The following SMPDL3A variants were observed in gnomAD, a reference collection of about 807,000 sequenced individuals.
The protein encoded by SMPDL3A is sphingomyelin phosphodiesterase acid like 3A.
A neutral mutation model predicts 38.5 loss-of-function variants in SMPDL3A; 39 were observed. That is an observed-to-expected ratio of 1.01 (90% CI 0.78 to 1.32). SMPDL3A has a LOEUF of 1.32. Ranked by LOEUF, SMPDL3A falls within the 40% of genes most tolerant of loss-of-function variation. The probability of loss-of-function intolerance (pLI) is 0.00; values close to 1 mark genes in which losing one functional copy is unlikely to be tolerated. For missense variants in SMPDL3A, 502 were observed against 536.2 expected (o/e 0.94, Z 0.63); for synonymous variants, 180 against 194.3 (o/e 0.93, Z 0.61).
At chr6:122,804,025 T>C (rs910109476) in intron 5 of SMPDL3A, among the ~76,000 whole-genome samples, 192 bp downstream of exon 5, 3 of 151,956 alleles carry the variant, frequency 2.0e-5, no homozygotes, top group African/African-American at 7.3e-5. Context: ...TCTTACTCTG[T>C]TGCCCAGGCT....
intron 4 of SMPDL3A, 97 bp from the exon 5 acceptor site, chr6:122,803,567 A>G: frequency 1.2e-6 from 1 of 833,528 alleles, no homozygotes; most frequent in Non-Finnish European, 1.9e-6. Context: ...ATAAGCACCA[A>G]CCTCCTGACT....
In SMPDL3A at chr6:122,795,780, C is replaced by A. The variant is rs147950292; in HGVS notation, c.216C>A (p.Asn72Lys). 1.2e-4 allele frequency: 201 copies of A among 1,613,972 alleles called. No homozygotes were observed. Among genetic ancestry groups the A allele is most frequent in the East Asian group, 1.3e-4 (6 of 44,888 alleles). ...CATCTAAAGGTGCAAATGCCTCCAA[C>A]CCTGGCCCTTTTGGAGATGTTCTGT... is the stretch of plus-strand genomic sequence containing the variant. ...CASSKGANAS[N>K]PGPFGDVLCD... The change falls in exon 2 of 8, where the codon AAC (asparagine) becomes AAA (lysine). Residue 72 changes from asparagine to lysine, a missense_variant. Physicochemically the swap from Asn to Lys is moderately conservative, Grantham distance 94. Transcript: ENST00000368440.
chr6:122,807,333 C>A (rs1357693517), intron 7 of SMPDL3A, among the ~76,000 whole-genome samples: 2 of 152,122 alleles, frequency 1.3e-5, no homozygotes, highest in Non-Finnish European at 2.9e-5. Context: ...CCCGTCTCCA[C>A]TAAAAATACA....
chr6:122,789,539 G>A (rs994185148), intron 1 of SMPDL3A, 81 bp downstream of exon 1: 1 of 1,251,586 alleles, frequency 8.0e-7, no homozygotes, highest in South Asian at 1.3e-5. Context: ...GAGAAAGTGC[G>A]TGGGGGCAGC....
At position 122,789,318 on chromosome 6, in the gene SMPDL3A, G is replaced by A. The variant is rs968613226; in HGVS notation, c.-29G>A. On this transcript the variant is annotated 5_prime_UTR_variant, in exon 1 of 8. Transcript: ENST00000368440. ...TCCGAGTGGAGCTGCGGGACAGCCC[G>A]AACCTCCAGGTCAGCCCCGCGGCCC... 2.0e-6 allele frequency: 3 copies of A among 1,494,584 alleles called. No individual in the cohort carries two copies. Among genetic ancestry groups the A allele is most frequent in the African/African-American group, 2.8e-5 (2 of 71,072 alleles). The allele number at this position is 1,494,584 out of a possible 1,614,324, so 92.6% of individuals were successfully genotyped here.
chr6:122,789,548 G>C lies in SMPDL3A; in HGVS notation c.112+90G>C, dbSNP rs920206404. 4.3e-6 allele frequency: 5 copies of C among 1,165,098 alleles called. No individual in the cohort carries two copies. The African/African-American group carries it at 7.8e-5, about 18-fold the overall frequency. 72.2% of individuals were successfully genotyped at this position (1,165,098 alleles called of 1,614,324 possible). A position where few individuals can be genotyped will look rare whatever the true frequency, so the allele number is the denominator to read the frequency against. On this transcript the variant is annotated intron_variant, in intron 1 of 7. Coordinates refer to ENST00000368440, the MANE Select transcript of SMPDL3A (RefSeq NM_006714.5). ...CAGCAGGAGAAAGTGCGTGGGGGCAGCTGCCCCCGGCAGAGGCTCGGGCTA... is the reference window on the plus strand; with the variant it reads ...CAGCAGGAGAAAGTGCGTGGGGGCACCTGCCCCCGGCAGAGGCTCGGGCTA...
rs376599425 is a variant in SMPDL3A at position 122,789,276 on chromosome 6, A to C, written c.-71A>C. ...CGCAGCCGTCTTCTGTCTCCGCCTC[A>C]CCCTCAGGCCTGACGGTCCGAGTGG... On this transcript the variant is annotated 5_prime_UTR_variant, in exon 1 of 8. Transcript: ENST00000368440. 1.1e-4 allele frequency: 123 copies of C among 1,097,310 alleles called. 1 individual carries two copies. In the South Asian group the frequency reaches 1.7e-3, roughly 15 times the overall value. 68.0% of individuals were successfully genotyped at this position (1,097,310 alleles called of 1,614,324 possible).
At chr6:122,792,935 G>A (rs2115159910) in intron 1 of SMPDL3A, among the ~76,000 whole-genome samples, 1 of 152,290 alleles carries the variant, frequency 6.6e-6, no homozygotes, top group South Asian at 2.1e-4. Flanking sequence ...TGAAAACACA[G>A]AGAGGAATTG....
Position 122,808,641 on chromosome 6 carries a change from TCCCCC to T in SMPDL3A, c.1045-447_1045-443del, listed in dbSNP as rs1163082786. ...TTCCTTCCTTCCTTCCTTCCTTCCT[TCCCCC>T]CCTCCTCCCCCCTCCCTCCCTCTCC... On this transcript the variant is annotated intron_variant, in intron 7 of 7. Coordinates refer to ENST00000368440, the MANE Select transcript of SMPDL3A (RefSeq NM_006714.5). Among the ~76,000 whole-genome samples the T allele has an allele frequency of 7.3e-3, 285 of 38,908 alleles. 1 individual carries two copies. Among genetic ancestry groups the T allele is most frequent in the South Asian group, 0.012 (6 of 508 alleles). 25.5% of individuals were successfully genotyped at this position (38,908 alleles called of 152,430 possible). A position where few individuals can be genotyped will look rare whatever the true frequency, so the allele number is the denominator to read the frequency against.
At chr6:122,807,085 G>A (rs766304589) in intron 7 of SMPDL3A, among the ~76,000 whole-genome samples, 1 of 84,520 alleles carries the variant, frequency 1.2e-5, no homozygotes, top group South Asian at 3.7e-4. Flanking sequence ...TAGAGATGGG[G>A]GGGGGGGGTC....
At chr6:122,805,136 CAAAG>C in intron 6 of SMPDL3A, 47 bp downstream of exon 6, 1 of 1,443,074 alleles carries the variant, frequency 6.9e-7, no homozygotes, top group Non-Finnish European at 9.3e-7. Context: ...GAGTCTAGAG[CAAAG>C]CGGTGAATAT....
At position 122,789,466 on chromosome 6, in the gene SMPDL3A, GT is replaced by G. The variant is rs1010308115; in HGVS notation, c.112+9del. The G allele has an allele frequency of 8.4e-6, 13 of 1,544,566 alleles. No individual in the cohort carries two copies. In the African/African-American group the frequency reaches 1.8e-4, roughly 21 times the overall value. ...ATCCTCCTCCGGCGATAGGTGAGTTGTCCGCGACCCTTCTCTTCCCAGCCGG... is the reference window on the plus strand; with the variant it reads ...ATCCTCCTCCGGCGATAGGTGAGTTGCCGCGACCCTTCTCTTCCCAGCCGG... On this transcript the variant is annotated intron_variant, in intron 1 of 7. Coordinates refer to ENST00000368440, the MANE Select transcript of SMPDL3A (RefSeq NM_006714.5).
chr6:122,789,781 T>G (rs1781008568), intron 1 of SMPDL3A: 2 of 959,662 alleles, frequency 2.1e-6, no homozygotes, highest in African/African-American at 3.5e-5. Context: ...TTTTGTTCCT[T>G]GGGGAAGGAA....
chr6:122,789,881 G>T (rs1326861290), intron 1 of SMPDL3A: 2 of 984,386 alleles, frequency 2.0e-6, no homozygotes, highest in Non-Finnish European at 1.2e-6. Flanking sequence ...AATGGAGGGG[G>T]ACTGCAGTTT....
At chr6:122,790,072 A>G (rs1332813059) in intron 1 of SMPDL3A, among the ~76,000 whole-genome samples, 1 of 152,168 alleles carries the variant, frequency 6.6e-6, no homozygotes, top group Non-Finnish European at 1.5e-5. Flanking sequence ...GATGTCCACT[A>G]GGTTTCCTGC....
chr6:122,789,551 G>A, intron 1 of SMPDL3A, 93 bp downstream of exon 1: 1 of 1,155,066 alleles, frequency 8.7e-7, no homozygotes, highest in East Asian at 2.6e-5. Flanking sequence ...GGGGGCAGCT[G>A]CCCCCGGCAG....
chr6:122,809,527 T>TA lies in SMPDL3A; in HGVS notation c.*119_*120insA. The TA allele has an allele frequency of 1.4e-6, 1 of 704,508 alleles. No individual in the cohort carries two copies. The highest frequency in any genetic ancestry group is 2.0e-5 in the South Asian group (1 of 49,660). The allele number at this position is 704,508 out of a possible 1,614,324, so 43.6% of individuals were successfully genotyped here. On this transcript the variant is annotated 3_prime_UTR_variant, in exon 8 of 8. Transcript: ENST00000368440. ...GCAAGTAGACTTCCTGTCTTTGCTTTCTTTTTTTTTTTCTTTTTGATGCCT... is the reference window on the plus strand; with the variant it reads ...GCAAGTAGACTTCCTGTCTTTGCTTTACTTTTTTTTTTTCTTTTTGATGCCT...
rs1780971210 is a variant in SMPDL3A, at chr6:122,789,277, C to T, written c.-70C>T. ...GCAGCCGTCTTCTGTCTCCGCCTCA[C>T]CCTCAGGCCTGACGGTCCGAGTGGA... is the stretch of plus-strand genomic sequence containing the variant. On this transcript the variant is annotated 5_prime_UTR_variant, in exon 1 of 8. Transcript: ENST00000368440. The T allele has an allele frequency of 8.9e-7, 1 of 1,126,874 alleles. No individual in the cohort carries two copies. Among genetic ancestry groups the T allele is most frequent in the Non-Finnish European group, 1.3e-6 (1 of 793,656 alleles). 69.8% of individuals were successfully genotyped at this position (1,126,874 alleles called of 1,614,324 possible).
intron 6 of SMPDL3A, 83 bp from the exon 7 acceptor site, chr6:122,806,150 C>A: frequency 8.0e-7 from 1 of 1,257,388 alleles, no homozygotes; most frequent in Non-Finnish European, 1.1e-6. Flanking sequence ...GTCTGTTAAT[C>A]TCTTAATCTG....
Sources: allele counts gnomAD v4.1 joint callset (sites outside exome capture counted in the v4.1 genomes callset), GRCh38; gene constraint gnomAD v4.1.1; transcripts MANE v1.5; gene names NCBI Gene and HGNC (gene_info 2026-07-23, HGNC 2026-07-21).